Variants in LARP4B observed in about 807,000 individuals in gnomAD.
The protein encoded by LARP4B is La ribonucleoprotein 4B.
LARP4B carries 12 observed loss-of-function variants against 89.8 expected under a neutral mutation model. The ratio of observed to expected loss-of-function variants is 0.13; its 90% CI spans 0.09 to 0.22. The LOEUF (loss-of-function observed/expected upper bound fraction) is 0.22, where lower values mean the gene tolerates loss of function less well. LARP4B is among the 10% of genes least tolerant of loss of function. The pLI is 1.00. For synonymous variants in LARP4B, 367 were observed against 363.3 expected (o/e 1.01, Z -0.12); for missense variants, 757 against 947.7 (o/e 0.80, Z 2.64).
At chr10:813,802 T>TA in intron 17 of LARP4B, among the ~76,000 whole-genome samples, 1 of 53,488 alleles carries the variant, frequency 1.9e-5, no homozygotes, top group East Asian at 5.2e-4. Context: ...CCTTAATAAC[T>TA]TTTTTTTTTT....
chr10:937,415 A>G, the LARP4B span, among the ~76,000 whole-genome samples: 1 of 152,348 alleles, frequency 6.6e-6, no homozygotes. Context: ...TGCTAAAATC[A>G]TTGGGTGAAA....
At chr10:884,404 A>C (rs948710538) in intron 3 of LARP4B, 43 bp downstream of exon 3, 2 of 1,258,666 alleles carry the variant, frequency 1.6e-6, no homozygotes, top group Non-Finnish European at 2.3e-6. Context: ...CTGAGCCTTG[A>C]CTGTGATTAA....
At chr10:931,183 C>G (rs111734794) in intron 1 of LARP4B, among the ~76,000 whole-genome samples, 1 of 149,506 alleles carries the variant, frequency 6.7e-6, no homozygotes, top group Non-Finnish European at 1.5e-5. Context: ...CGGTCCTCCT[C>G]AGCCCCGGCT....
At chr10:856,722 T>G (rs1588918230) in intron 5 of LARP4B, among the ~76,000 whole-genome samples, 1 of 152,220 alleles carries the variant, frequency 6.6e-6, no homozygotes, top group South Asian at 2.1e-4. Context: ...CAGGGAATAC[T>G]AGAGAAAAAT....
the LARP4B span, among the ~76,000 whole-genome samples, chr10:940,435 T>C: frequency 6.6e-6 from 1 of 152,230 alleles, no homozygotes; most frequent in Non-Finnish European, 1.5e-5. Context: ...ATTGCAGGCA[T>C]GAGCCATCAC....
chr10:816,592 C>G (rs1257905717), intron 15 of LARP4B, among the ~76,000 whole-genome samples: 1 of 152,234 alleles, frequency 6.6e-6, no homozygotes, highest in Non-Finnish European at 1.5e-5. Context: ...AGACCTGCCT[C>G]TTCTCCTCCA....
intron 3 of LARP4B, among the ~76,000 whole-genome samples, chr10:867,934 T>C (rs1045472155): frequency 1.4e-5 from 2 of 143,914 alleles, no homozygotes; most frequent in Non-Finnish European, 3.0e-5. Context: ...CCATTAAAAA[T>C]GTATGGCTAA....
At chr10:953,789 G>A in the LARP4B span, among the ~76,000 whole-genome samples, 1 of 152,252 alleles carries the variant, frequency 6.6e-6, no homozygotes, top group African/African-American at 2.4e-5. Context: ...CGGTTGTAAG[G>A]CTTCTGCCTC....
At chr10:930,455 G>C (rs1048956577) in intron 1 of LARP4B, among the ~76,000 whole-genome samples, 1 of 152,228 alleles carries the variant, frequency 6.6e-6, no homozygotes, top group Non-Finnish European at 1.5e-5. Context: ...AGCCAGATAG[G>C]AGGTAGTTTT....
intron 14 of LARP4B, chr10:819,173 G>A (rs749535339): frequency 1.3e-5 from 2 of 152,206 alleles, no homozygotes; most frequent in African/African-American, 2.4e-5. Flanking sequence ...ATGGCAAAGC[G>A]GTTTTAAACA....
At chr10:951,438 G>A in the LARP4B span, among the ~76,000 whole-genome samples, 5 of 151,952 alleles carry the variant, frequency 3.3e-5, no homozygotes, top group African/African-American at 7.2e-5. Flanking sequence ...ATCCCAACTC[G>A]AGAGGCTGAG....
upstream of LARP4B, among the ~76,000 whole-genome samples, chr10:931,931 G>T (rs1439147269): frequency 4.7e-5 from 7 of 149,728 alleles, no homozygotes; most frequent in Non-Finnish European, 1.0e-4. Flanking sequence ...CGATTGGCGC[G>T]TGCGCGCACA....
At chr10:930,042 C>G (rs1478413898) in intron 1 of LARP4B, among the ~76,000 whole-genome samples, 1 of 151,890 alleles carries the variant, frequency 6.6e-6, no homozygotes, top group East Asian at 1.9e-4. Context: ...CTGTAAATTA[C>G]CCTGACTGTA....
chr10:967,470 C>T, the LARP4B span, among the ~76,000 whole-genome samples: 1 of 152,096 alleles, frequency 6.6e-6, no homozygotes, highest in Admixed American at 6.5e-5. Context: ...AACCACAAGA[C>T]AAAGAGATGA....
chr10:987,595 A>G, the LARP4B span: 1 of 152,224 alleles, frequency 6.6e-6, no homozygotes, highest in Non-Finnish European at 1.5e-5. Flanking sequence ...GAGTTAATAT[A>G]TAGTCAGCAG....
At chr10:987,250 G>C in the LARP4B span, 1 of 152,172 alleles carries the variant, frequency 6.6e-6, no homozygotes, top group Non-Finnish European at 1.5e-5. Flanking sequence ...ATGCTTATCC[G>C]CCTTGTGACA....
At chr10:962,577 G>C in the LARP4B span, among the ~76,000 whole-genome samples, 1 of 152,164 alleles carries the variant, frequency 6.6e-6, no homozygotes, top group African/African-American at 2.4e-5. Flanking sequence ...CTGTTAGCTT[G>C]GTGTGATACA....
intron 5 of LARP4B, among the ~76,000 whole-genome samples, chr10:849,838 C>A (rs1025360444): frequency 6.6e-6 from 1 of 152,196 alleles, no homozygotes; most frequent in Non-Finnish European, 1.5e-5. Context: ...AGGAAAACAT[C>A]AAATTCTAAT....
At chr10:981,293 G>A in the LARP4B span, among the ~76,000 whole-genome samples, 1 of 152,148 alleles carries the variant, frequency 6.6e-6, no homozygotes, top group Admixed American at 6.5e-5. Flanking sequence ...TCATCATCCT[G>A]TCTTCCTCTG....
Sources: allele counts gnomAD v4.1 joint callset (sites outside exome capture counted in the v4.1 genomes callset), GRCh38; gene constraint gnomAD v4.1.1; transcripts MANE v1.5; gene names NCBI Gene and HGNC (gene_info 2026-07-23, HGNC 2026-07-21).